Variants in ACTG2 observed in about 807,000 individuals in gnomAD.
ACTG2 encodes the protein actin gamma 2, smooth muscle, also known as actin, gamma-enteric smooth muscle.
A neutral mutation model predicts 37.6 loss-of-function variants in ACTG2; 16 were observed. The observed-to-expected ratio is 0.43, with a 90% CI of 0.29 to 0.65. ACTG2 has a LOEUF of 0.65. ACTG2 is among the 30% of genes least tolerant of loss of function. ACTG2 has a pLI of 0.18. For synonymous variants in ACTG2, 181 were observed against 179.9 expected, an observed-to-expected ratio of 1.01 and a Z score of -0.05; for missense variants, 238 against 490.9, an observed-to-expected ratio of 0.48 and a Z score of 4.87.
chr2:73,905,503 A>G (rs1679998570), intron 3 of ACTG2, among the ~76,000 whole-genome samples: 1 of 152,220 alleles, frequency 6.6e-6, no homozygotes, highest in Admixed American at 6.5e-5. Flanking sequence ...TAATTAGCTG[A>G]ACAGAAATTA....
At chr2:73,894,431 G>A (rs565892674) in intron 1 of ACTG2, among the ~76,000 whole-genome samples, 4 of 152,298 alleles carry the variant, frequency 2.6e-5, no homozygotes, top group African/African-American at 9.6e-5. Context: ...CCTGAGAAAA[G>A]GGGATGGGCC....
In ACTG2 at chr2:73,893,899, C is replaced by G. The variant is rs571896935; in HGVS notation, c.-37+848C>G. 7.9e-5 allele frequency among the ~76,000 whole-genome samples: 12 copies of G among 152,330 alleles called. No individual in the cohort carries two copies. The East Asian group carries it at 2.3e-3, about 29-fold the overall frequency. On this transcript the variant is annotated intron_variant, in intron 1 of 8. Coordinates refer to ENST00000345517, the MANE Select transcript of ACTG2 (RefSeq NM_001615.4). ...GTTTGGCATCAGAATTCACTAGCAT[C>G]TCTTCACAGGTGAGGCAGGCTGGGT...
rs775462646 is a variant in ACTG2, at chr2:73,914,681, TGAGA to T, written c.620_623del (p.Arg207LysfsTer77). ...TTCTGTCATTTCTGCTCCTTCCAGC[TGAGA>T]GAGAAATTGTGCGAGACATCAAGGA... is the stretch of plus-strand genomic sequence containing the variant. On this transcript the variant is annotated frameshift_variant and splice_region_variant, in exon 7 of 9. Coordinates refer to ENST00000345517, the MANE Select transcript of ACTG2 (RefSeq NM_001615.4). LOFTEE classifies it high-confidence loss of function. 6.3e-7 allele frequency: 1 copy of T among 1,576,576 alleles called. No individual in the cohort carries two copies. Among genetic ancestry groups the T allele is most frequent in the South Asian group, 1.2e-5 (1 of 85,154 alleles).
intron 5 of ACTG2, among the ~76,000 whole-genome samples, chr2:73,909,511 T>C (rs151116112): frequency 4.7e-3 from 712 of 152,258 alleles, no homozygotes; most frequent in South Asian, 0.016. Flanking sequence ...GAGAAATGTG[T>C]GTCATTAGGT....
intron 3 of ACTG2, among the ~76,000 whole-genome samples, chr2:73,905,743 T>C (rs1464898887): frequency 6.6e-6 from 1 of 152,162 alleles, no homozygotes; most frequent in Non-Finnish European, 1.5e-5. Context: ...CTATGTTCTT[T>C]AGCCCAGTCA....
intron 4 of ACTG2, 96 bp downstream of exon 4, chr2:73,908,879 T>A (rs1184717284): frequency 3.1e-6 from 4 of 1,273,046 alleles, no homozygotes; most frequent in Non-Finnish European, 4.5e-6. Context: ...GCAACAGAAC[T>A]CTCTGAGGAC....
At chr2:73,911,318 C>T (rs1388139267) in intron 5 of ACTG2, among the ~76,000 whole-genome samples, 3 of 151,642 alleles carry the variant, frequency 2.0e-5, no homozygotes, top group South Asian at 2.1e-4. Flanking sequence ...AACATGGCTA[C>T]AACCTATCTC....
intron 5 of ACTG2, among the ~76,000 whole-genome samples, chr2:73,910,520 A>C (rs1680108990): frequency 9.1e-6 from 1 of 109,398 alleles, no homozygotes. Flanking sequence ...TTTTTTTGAG[A>C]TGAAGTCTCA....
Position 73,914,780 on chromosome 2 carries a change from G to A in ACTG2, c.714G>A (p.Glu238=). 4 of 1,612,848 alleles carry A rather than the reference G, an allele frequency of 2.5e-6. No individual in the cohort carries two copies. Among genetic ancestry groups the A allele is most frequent in the Non-Finnish European group, 3.4e-6 (4 of 1,179,290 alleles). ...MATAASSSSL[E]KSYELPDGQV... ...CAGCAGCTTCCTCTTCCTCCCTGGA[G>A]AAGAGCTATGAGCTGCCAGATGGGC... Residue 238 remains glutamate, a synonymous_variant, in exon 7 of 9, where the codon GAG becomes GAA. Coordinates refer to ENST00000345517, the MANE Select transcript of ACTG2 (RefSeq NM_001615.4).
chr2:73,915,870 G>T lies in ACTG2; in HGVS notation c.806-714G>T, dbSNP rs1680256283. ...CAGAAAGTGGATTCACTGTTACCTA[G>T]GGCTGGGGCAGGGATGGAGGGGAAA... is the stretch of plus-strand genomic sequence containing the variant. On this transcript the variant is annotated intron_variant, in intron 7 of 8. Transcript: ENST00000345517. 2.6e-5 allele frequency among the ~76,000 whole-genome samples: 4 copies of T among 152,280 alleles called. 1 individual carries two copies. The South Asian group carries it at 8.3e-4, about 32-fold the overall frequency.
intron 3 of ACTG2, among the ~76,000 whole-genome samples, chr2:73,906,717 A>C (rs1040979845): frequency 6.6e-6 from 1 of 152,084 alleles, no homozygotes; most frequent in African/African-American, 2.4e-5. Context: ...GGCTCAAGCA[A>C]TCTGCCTGTC....
intron 8 of ACTG2, among the ~76,000 whole-genome samples, chr2:73,918,520 C>CA (rs776334501): frequency 8.6e-5 from 13 of 151,968 alleles, no homozygotes; most frequent in East Asian, 5.8e-4. Context: ...TCTACGGCAA[C>CA]AAAAAAAATC....
intron 6 of ACTG2, among the ~76,000 whole-genome samples, chr2:73,914,023 A>AT (rs895915322): frequency 3.4e-4 from 52 of 152,124 alleles, no homozygotes; most frequent in African/African-American, 1.1e-3. Flanking sequence ...GGCAATCGGC[A>AT]TTTTTTAGGT....
chr2:73,902,610 T>C (rs1467032736), intron 3 of ACTG2, 122 bp downstream of exon 3: 1 of 1,554,488 alleles, frequency 6.4e-7, no homozygotes, highest in Non-Finnish European at 8.7e-7. Flanking sequence ...CTTCTGTCTT[T>C]CCTTTCTTTT....
chr2:73,910,365 C>CTT (rs1190070765), intron 5 of ACTG2, among the ~76,000 whole-genome samples: 36,954 of 80,736 alleles, frequency 0.46, 12,438 homozygotes, highest in Non-Finnish European at 0.53. Context: ...CTTTTTTCGA[C>CTT]TTTTTTTTTT....
At chr2:73,908,321 T>C (rs1397996116) in intron 3 of ACTG2, 2 of 476,900 alleles carry the variant, frequency 4.2e-6, no homozygotes, top group East Asian at 6.7e-5. Flanking sequence ...CAGCCAAATA[T>C]AGCCAGAAGC....
At chr2:73,916,913 G>A (rs1726028) in intron 8 of ACTG2, 148 bp downstream of exon 8, 518,332 of 888,104 alleles carry the variant, frequency 0.58, 156,871 homozygotes, top group Non-Finnish European at 0.61. Context: ...TTTATCCTAC[G>A]GAATTATGTT....
At chr2:73,913,262 G>T (rs1680182327) in intron 5 of ACTG2, among the ~76,000 whole-genome samples, 2 of 151,232 alleles carry the variant, frequency 1.3e-5, no homozygotes, top group Admixed American at 1.3e-4. Flanking sequence ...TACAAAAAAA[G>T]GACACATTTT....
At chr2:73,916,931 C>T (rs528165272) in intron 8 of ACTG2, among the ~76,000 whole-genome samples, 166 bp downstream of exon 8, 21 of 152,306 alleles carry the variant, frequency 1.4e-4, no homozygotes, top group East Asian at 1.9e-4. Context: ...GTTCCTTGGG[C>T]ATTGATGGGC....
Sources: gnomAD v4.1 joint callset for allele counts (sites outside exome capture counted in the v4.1 genomes callset) on GRCh38, gnomAD v4.1.1 for gene constraint, MANE v1.5 for transcripts, NCBI Gene and HGNC (gene_info 2026-07-23, HGNC 2026-07-21) for gene names.